The following SORCS2 variants were observed in gnomAD, a reference collection of about 807,000 sequenced individuals.
SORCS2 encodes the protein sortilin related VPS10 domain containing receptor 2, also known as VPS10 domain-containing receptor SorCS2.
A neutral mutation model predicts 141.6 loss-of-function variants in SORCS2; 100 were observed. The ratio of observed to expected loss-of-function variants is 0.71; its 90% CI spans 0.60 to 0.83. The LOEUF (loss-of-function observed/expected upper bound fraction) is 0.83, where lower values mean the gene tolerates loss of function less well. Among genes scored for constraint, SORCS2 ranks in the 40% least tolerant of loss-of-function variants. The probability of loss-of-function intolerance (pLI) is 0.00; values close to 1 mark genes in which losing one functional copy is unlikely to be tolerated. For missense variants in SORCS2, 1,646 were observed against 1,560.2 expected (o/e 1.05, Z -0.93); for synonymous variants, 789 against 676.9 (o/e 1.17, Z -2.57).
chr4:7,724,270 GAT>G (rs1726857054), intron 19 of SORCS2, among the ~76,000 whole-genome samples: 2 of 148,722 alleles, frequency 1.3e-5, no homozygotes, highest in Admixed American at 6.7e-5. Flanking sequence ...TGATGGTGAT[GAT>G]GGTGGTGGTG....
At chr4:7,539,950 C>A (rs547709043) in intron 3 of SORCS2, among the ~76,000 whole-genome samples, 1 of 151,028 alleles carries the variant, frequency 6.6e-6, no homozygotes, top group Non-Finnish European at 1.5e-5. Flanking sequence ...GGTCTCACCC[C>A]CTCCCTGCTG....
chr4:7,497,517 G>A (rs1380467684), intron 2 of SORCS2, among the ~76,000 whole-genome samples: 7 of 152,226 alleles, frequency 4.6e-5, no homozygotes, highest in Non-Finnish European at 8.8e-5. Context: ...TCCTTGCCCC[G>A]TGGGGGCCCA....
chr4:7,658,972 T>G (rs1295759884), intron 5 of SORCS2, among the ~76,000 whole-genome samples: 1 of 152,200 alleles, frequency 6.6e-6, no homozygotes, highest in Non-Finnish European at 1.5e-5. Context: ...TTCCTCATCT[T>G]GAGGCTCAGT....
At chr4:7,301,853 G>A (rs1470851141) in intron 1 of SORCS2, among the ~76,000 whole-genome samples, 5 of 152,254 alleles carry the variant, frequency 3.3e-5, no homozygotes, top group South Asian at 4.1e-4. Flanking sequence ...CTAAGGTTCC[G>A]TTCTCCTGCA....
chr4:7,543,611 T>TCCATCCACCCATCCATCCAC (rs1712896095), intron 3 of SORCS2, among the ~76,000 whole-genome samples: 1 of 127,420 alleles, frequency 7.8e-6, no homozygotes, highest in Admixed American at 7.8e-5. Flanking sequence ...CATCCATCCG[T>TCCATCCACCCATCCATCCAC]CCATCCACCC....
chr4:7,664,251 A>T lies in SORCS2; in HGVS notation c.953-102A>T. 1 of 900,696 alleles carries T rather than the reference A, an allele frequency of 1.1e-6. No individual in the cohort carries two copies. Among genetic ancestry groups the T allele is most frequent in the Non-Finnish European group, 1.7e-6 (1 of 590,038 alleles). 55.8% of individuals were successfully genotyped at this position (900,696 alleles called of 1,614,324 possible). On this transcript the variant is annotated intron_variant, in intron 6 of 26. Coordinates refer to ENST00000507866, the MANE Select transcript of SORCS2 (RefSeq NM_020777.3). The surrounding 1 kb of genome is among the most constrained non-coding windows in gnomAD (Gnocchi z 4.7). ...TTAGAATTCAAGCCCATGAAGCCAC[A>T]CCACAGCGGTATTGGAGGAAGATGG...
Position 7,725,149 on chromosome 4 carries a change from C to G in SORCS2, c.2612-5C>G, listed in dbSNP as rs1727123842. The stretch of plus-strand genomic sequence containing the variant: ...TCTAACCCTGGCCTTTTTGGGTCCC[C>G]ACAGCCCCCCTGCAGGCCCTCTACC... On this transcript the variant is annotated splice_polypyrimidine_tract_variant and splice_region_variant and intron_variant, in intron 19 of 26. Transcript: ENST00000507866. The G allele has an allele frequency of 2.5e-6, 4 of 1,612,194 alleles. No individual in the cohort carries two copies. In the South Asian group the frequency reaches 4.4e-5, roughly 18 times the overall value.
intron 2 of SORCS2, among the ~76,000 whole-genome samples, chr4:7,525,972 G>C (rs979473194): frequency 2.6e-5 from 3 of 116,558 alleles, no homozygotes; most frequent in African/African-American, 1.1e-4. Context: ...TCAGTCACCT[G>C]TCCCCTCCTC....
At chr4:7,500,937 G>A (rs1731933531) in intron 2 of SORCS2, among the ~76,000 whole-genome samples, 1 of 152,240 alleles carries the variant, frequency 6.6e-6, no homozygotes, top group Non-Finnish European at 1.5e-5. Flanking sequence ...CTGTGATTCT[G>A]CCGGGAGGTT....
intron 3 of SORCS2, among the ~76,000 whole-genome samples, chr4:7,567,208 G>A (rs1347166016): frequency 9.2e-5 from 14 of 152,200 alleles, no homozygotes; most frequent in Admixed American, 7.9e-4. Flanking sequence ...ACATTGGTAT[G>A]TACATTTGTC....
intron 2 of SORCS2, among the ~76,000 whole-genome samples, chr4:7,416,469 C>G (rs1010363403): frequency 1.3e-5 from 2 of 152,194 alleles, no homozygotes; most frequent in Non-Finnish European, 2.9e-5. Context: ...GTGTACGGTG[C>G]ATACACACAC....
chr4:7,478,740 C>T (rs28566581), intron 2 of SORCS2, among the ~76,000 whole-genome samples: 1 of 152,076 alleles, frequency 6.6e-6, no homozygotes, highest in Non-Finnish European at 1.5e-5. Flanking sequence ...AACATGGAGA[C>T]AGTGGTGTGG....
chr4:7,420,573 T>A (rs1010274466), intron 2 of SORCS2, among the ~76,000 whole-genome samples: 2 of 152,074 alleles, frequency 1.3e-5, no homozygotes. Flanking sequence ...GAAGGCAGGG[T>A]GTCCAGTGTG....
chr4:7,550,109 C>CGT (rs770140477), intron 3 of SORCS2, among the ~76,000 whole-genome samples: 10 of 129,790 alleles, frequency 7.7e-5, no homozygotes, highest in South Asian at 2.9e-4. Flanking sequence ...TTTTTTTTTC[C>CGT]GTGTGTGTGT....
At chr4:7,473,968 A>C (rs1730137465) in intron 2 of SORCS2, among the ~76,000 whole-genome samples, 1 of 152,076 alleles carries the variant, frequency 6.6e-6, no homozygotes, top group Admixed American at 6.5e-5. Flanking sequence ...AGCTTTAAAA[A>C]CTTCATCCGG....
intron 9 of SORCS2, among the ~76,000 whole-genome samples, chr4:7,680,758 G>T (rs10027023): frequency 1.3e-5 from 2 of 151,958 alleles, no homozygotes; most frequent in African/African-American, 2.4e-5. Context: ...AAGACCTGGT[G>T]GGTCCCAAGG....
intron 3 of SORCS2, among the ~76,000 whole-genome samples, chr4:7,549,683 A>T (rs1713535564): frequency 6.6e-6 from 1 of 152,240 alleles, no homozygotes; most frequent in African/African-American, 2.4e-5. Context: ...GTTGGTGCTC[A>T]GTTAATTCTT....
intron 1 of SORCS2, among the ~76,000 whole-genome samples, chr4:7,216,311 C>T (rs1378624319): frequency 6.6e-6 from 1 of 152,190 alleles, no homozygotes; most frequent in African/African-American, 2.4e-5. Flanking sequence ...CCGCCCAGCC[C>T]AGCACTGCTC....
intron 3 of SORCS2, among the ~76,000 whole-genome samples, chr4:7,575,459 TC>T (rs1715688173): frequency 6.6e-6 from 1 of 152,232 alleles, no homozygotes; most frequent in Non-Finnish European, 1.5e-5. Context: ...TGCATATAGC[TC>T]TGAATTCAAC....
Sources: allele counts gnomAD v4.1 joint callset (sites outside exome capture counted in the v4.1 genomes callset), GRCh38; gene constraint gnomAD v4.1.1; non-coding constraint Gnocchi (gnomAD v3.1); transcripts MANE v1.5; gene names NCBI Gene and HGNC (gene_info 2026-07-23, HGNC 2026-07-21).